Variants in ATG4A observed in about 807,000 individuals in gnomAD.
ATG4A encodes cysteine protease ATG4A.
Under a neutral mutation model 38.4 loss-of-function variants are expected in ATG4A, and 22 were observed. The ratio of observed to expected loss-of-function variants is 0.57; its 90% CI spans 0.41 to 0.82. The LOEUF is 0.82. ATG4A is among the 40% of genes least tolerant of loss of function. The pLI, the probability that ATG4A is intolerant of heterozygous loss-of-function variation, is 0.00. For missense variants in ATG4A, 220 were observed against 290.0 expected, an observed-to-expected ratio of 0.76 and a Z score of 1.75; for synonymous variants, 86 against 100.7, an observed-to-expected ratio of 0.85 and a Z score of 0.88.
chrX:108,125,255 G>A (rs752356553), intron 1 of ATG4A, among the ~76,000 whole-genome samples: 1 of 109,880 alleles, frequency 9.1e-6, no homozygotes, highest in South Asian at 4.1e-4. Flanking sequence ...CCATCCAGAA[G>A]CCCACCAAGA....
At chrX:108,090,729 T>C (rs1358563427), upstream of ATG4A, among the ~76,000 whole-genome samples, 1 of 111,610 alleles carries the variant, frequency 9.0e-6, no homozygotes, top group Non-Finnish European at 1.9e-5. Flanking sequence ...AGCACGAGAG[T>C]CCTGTGAGCA....
intron 9 of ATG4A, among the ~76,000 whole-genome samples, chrX:108,139,351 C>G (rs1377583983): frequency 8.9e-6 from 1 of 112,249 alleles, no homozygotes; most frequent in Non-Finnish European, 1.9e-5. Context: ...TGTCATCTTA[C>G]AGTAAAGTGT....
intron 9 of ATG4A, 79 bp downstream of exon 9, chrX:108,138,270 C>A: frequency 1.1e-6 from 1 of 906,368 alleles, no homozygotes; most frequent in East Asian, 3.1e-5. Flanking sequence ...GGAGACCAGG[C>A]AATTCCAGTT....
chrX:108,137,938 C>A lies in ATG4A; in HGVS notation c.682C>A (p.Pro228Thr). ...SAWKPLLLIV[P>T]LRLGINQINP... is the part of the protein sequence containing the mutation. ...CTGGAAACCCCTGCTGCTCATTGTG[C>A]CCCTTCGCCTGGGCATAAACCAAAT... is the stretch of plus-strand genomic sequence containing the variant. Residue 228 changes from proline to threonine, a missense_variant, in exon 8 of 13, where the codon CCC (proline) becomes ACC (threonine). By Grantham distance (38) the Pro-to-Thr change is conservative. Coordinates refer to ENST00000372232, the MANE Select transcript of ATG4A (RefSeq NM_052936.5). The A allele has an allele frequency of 8.3e-7, 1 of 1,205,999 alleles. No individual in the cohort carries two copies. Among genetic ancestry groups the A allele is most frequent in the Non-Finnish European group, 1.1e-6 (1 of 893,289 alleles).
intron 1 of ATG4A, among the ~76,000 whole-genome samples, chrX:108,093,244 C>A (rs1183675217): frequency 8.9e-6 from 1 of 111,996 alleles, no homozygotes; most frequent in Non-Finnish European, 1.9e-5. Flanking sequence ...CAGCCCCAGA[C>A]AACCACTAAT....
Position 108,131,693 on chromosome X carries a change from G to T in ATG4A, c.292+335G>T, listed in dbSNP as rs769731839. On this transcript the variant is annotated intron_variant, in intron 4 of 12. Transcript: ENST00000372232. ...AAGATAACAAAGGGAGCAGGAAGAA[G>T]GGTGTGGTGATTAAGTCTGTTTCTT... Among the ~76,000 whole-genome samples, 15 of 112,017 alleles carry T rather than the reference G, an allele frequency of 1.3e-4. No homozygotes were observed. In the South Asian group the frequency reaches 5.2e-3, roughly 39 times the overall value.
Position 108,154,324 on chromosome X carries a change from T to A in ATG4A, c.*612T>A, listed in dbSNP as rs1326262970. On this transcript the variant is annotated 3_prime_UTR_variant, in exon 13 of 13. Transcript: ENST00000372232. ...GATCTTACTATTTGATGGGTCACTG[T>A]CCCCATTCTTACTGATACTTTTGTC... The A allele has an allele frequency of 8.9e-6, 1 of 112,589 alleles. No individual in the cohort carries two copies. Among genetic ancestry groups the A allele is most frequent in the African/African-American group, 3.2e-5 (1 of 30,985 alleles). 9.3% of individuals were successfully genotyped at this position (112,589 alleles called of 1,213,427 possible).
intron 1 of ATG4A, among the ~76,000 whole-genome samples, chrX:108,109,199 G>A (rs1259052040): frequency 8.9e-6 from 1 of 112,183 alleles, no homozygotes; most frequent in Admixed American, 9.4e-5. Context: ...CCTAATGGGT[G>A]TGAGGTGAAA....
At chrX:108,148,459 C>T (rs1172099644) in intron 9 of ATG4A, among the ~76,000 whole-genome samples, 3 of 85,675 alleles carry the variant, frequency 3.5e-5, no homozygotes, top group Admixed American at 3.5e-4. Context: ...CAGAGGGAGA[C>T]CCTGTCTCAA....
chrX:108,144,476 G>A (rs2033377651), intron 9 of ATG4A, among the ~76,000 whole-genome samples: 1 of 112,089 alleles, frequency 8.9e-6, no homozygotes. Context: ...AGCAGGGGCT[G>A]TAGCCAGGTC....
intron 1 of ATG4A, among the ~76,000 whole-genome samples, chrX:108,111,795 T>A (rs1354124018): frequency 8.9e-6 from 1 of 111,760 alleles, no homozygotes; most frequent in Non-Finnish European, 1.9e-5. Context: ...AGTTGCATTT[T>A]CACTGAGTAT....
At position 108,091,886 on chromosome X, in the gene ATG4A, A is replaced by G. The variant is rs768547482; in HGVS notation, c.10+50A>G. On this transcript the variant is annotated intron_variant, in intron 1 of 12. Transcript: ENST00000372232. ...ACCGTGTGAAAGAGCCGGGGTGGGT[A>G]GTCGCTGGCGGGTCGTTGAGTCGGC... 7.5e-5 allele frequency: 90 copies of G among 1,206,240 alleles called. 1 individual carries two copies. The South Asian group carries it at 1.6e-3, about 21-fold the overall frequency.
chrX:108,131,188 C>T, intron 3 of ATG4A, 72 bp from the exon 4 acceptor site: 10 of 962,236 alleles, frequency 1.0e-5, no homozygotes, highest in Non-Finnish European at 1.5e-5. Flanking sequence ...TGTGTGAGTC[C>T]CAAATATGCT....
intron 9 of ATG4A, among the ~76,000 whole-genome samples, chrX:108,138,548 T>TTAGG (rs2033162059): frequency 8.9e-6 from 1 of 112,079 alleles, no homozygotes; most frequent in African/African-American, 3.2e-5. Flanking sequence ...ATCTCTCTTA[T>TTAGG]TAGGGCCTGC....
rs1382801222 is a variant in ATG4A, at chrX:108,141,063, T to TATAC, written c.814+2875_814+2876insCATA. On this transcript the variant is annotated intron_variant, in intron 9 of 12. Transcript: ENST00000372232. Reference sequence around the variant, plus strand: ...ACATATATATACATATATACGTGTATATATATACATATATATATATATATA... The same window carrying TATAC: ...ACATATATATACATATATACGTGTATATACATATATACATATATATATATATATA... 9.6e-3 allele frequency among the ~76,000 whole-genome samples: 274 copies of TATAC among 28,502 alleles called. 8 individuals are homozygous for TATAC. The highest frequency in any genetic ancestry group is 0.028 in the East Asian group (34 of 1,220). The allele number at this position is 28,502 out of a possible 115,157, so 24.8% of individuals were successfully genotyped here.
In ATG4A at chrX:108,152,974, C is replaced by T; in HGVS notation, c.1018-5C>T. 8.4e-7 allele frequency: 1 copy of T among 1,184,844 alleles called. No individual in the cohort carries two copies. Among genetic ancestry groups the T allele is most frequent in the Non-Finnish European group, 1.1e-6 (1 of 871,637 alleles). On this transcript the variant is annotated splice_region_variant and splice_polypyrimidine_tract_variant and intron_variant, in intron 11 of 12. Coordinates refer to ENST00000372232, the MANE Select transcript of ATG4A (RefSeq NM_052936.5). ...GTATTTAAAACTGTTTTGTCATCTCCCCAGGAAATTCTAAAGGAGAATTTA... is the reference window on the plus strand; with the variant it reads ...GTATTTAAAACTGTTTTGTCATCTCTCCAGGAAATTCTAAAGGAGAATTTA...
intron 1 of ATG4A, among the ~76,000 whole-genome samples, chrX:108,098,679 C>T (rs778956598): frequency 3.1e-4 from 35 of 111,167 alleles, no homozygotes; most frequent in Admixed American, 1.9e-4. Flanking sequence ...AATTTGTTCT[C>T]CTTTTCTATA....
At chrX:108,108,016 CT>C (rs936749271) in intron 1 of ATG4A, among the ~76,000 whole-genome samples, 10 of 110,965 alleles carry the variant, frequency 9.0e-5, no homozygotes, top group Non-Finnish European at 1.9e-4. Flanking sequence ...TTGATTTTTG[CT>C]GAGGGCAGTG....
chrX:108,112,631 G>C, intron 1 of ATG4A, among the ~76,000 whole-genome samples: 2 of 110,487 alleles, frequency 1.8e-5, no homozygotes, highest in Non-Finnish European at 3.8e-5. Flanking sequence ...TCCTGACCTC[G>C]TGATCCGCCC....
Sources: allele counts gnomAD v4.1 joint callset (sites outside exome capture counted in the v4.1 genomes callset), GRCh38; gene constraint gnomAD v4.1.1; transcripts MANE v1.5; gene names NCBI Gene and HGNC (gene_info 2026-07-23, HGNC 2026-07-21).